Variants in PLAG1 observed in about 807,000 individuals in gnomAD.
PLAG1 encodes the protein PLAG1 zinc finger, also known as zinc finger protein PLAG1.
In PLAG1, 7 loss-of-function variants were observed where a neutral mutation model predicts 35.5. That is an observed-to-expected ratio of 0.20 (90% CI 0.11 to 0.37). PLAG1 has a LOEUF of 0.37. PLAG1 is among the 10% of genes least tolerant of loss of function. The pLI, the probability that PLAG1 is intolerant of heterozygous loss-of-function variation, is 1.00. For missense variants in PLAG1, 454 were observed against 602.8 expected, an observed-to-expected ratio of 0.75 and a Z score of 2.58; for synonymous variants, 229 against 225.4, an observed-to-expected ratio of 1.02 and a Z score of -0.14.
At chr8:56,175,888 C>T (rs1187808272) in intron 2 of PLAG1, among the ~76,000 whole-genome samples, 1 of 151,984 alleles carries the variant, frequency 6.6e-6, no homozygotes, top group Non-Finnish European at 1.5e-5. Flanking sequence ...TCTAGAGTAG[C>T]CAGAGAGAAT....
rs1290560990 is a variant in PLAG1 at position 56,166,961 on chromosome 8, A to T, written c.785T>A (p.Ile262Lys). The change falls in exon 5 of 5, where the codon ATA becomes AAA. Residue 262 changes from isoleucine (I) to lysine (K), a missense_variant. Ile to Lys is a moderately radical substitution (Grantham distance 102, BLOSUM62 -3). Around this residue, in one of 4 missense-constraint regions of PLAG1, gnomAD observed 271 missense variants for 315.6 expected, o/e 0.86. Coordinates refer to ENST00000316981, the MANE Select transcript of PLAG1 (RefSeq NM_002655.3). ...CATCACCGGAAGGAGCTCGTCTTTT[A>T]TAGGCACAGACACATTGCAGGTAAA... Reference protein sequence around the residue: ...DPFTCNVSVPIKDELLPVMSL... With the variant: ...DPFTCNVSVPKKDELLPVMSL... 1 of 1,614,100 alleles carries T rather than the reference A, an allele frequency of 6.2e-7. No homozygotes were observed. Among genetic ancestry groups the T allele is most frequent in the Non-Finnish European group, 8.5e-7 (1 of 1,179,972 alleles).
At chr8:56,170,595 T>G (rs905051914) in intron 3 of PLAG1, among the ~76,000 whole-genome samples, 1 of 152,254 alleles carries the variant, frequency 6.6e-6, no homozygotes, top group Admixed American at 6.5e-5. Context: ...TGCAAGTATC[T>G]AAATCCCTGT....
intron 3 of PLAG1, among the ~76,000 whole-genome samples, chr8:56,170,579 A>G (rs553636361): frequency 6.6e-6 from 1 of 152,360 alleles, no homozygotes; most frequent in East Asian, 1.9e-4. Context: ...CAGAATCTAC[A>G]TGGAATGCAA....
intron 1 of PLAG1, among the ~76,000 whole-genome samples, chr8:56,182,464 C>CTT (rs1811898875): frequency 6.6e-6 from 1 of 151,968 alleles, no homozygotes; most frequent in Non-Finnish European, 1.5e-5. Flanking sequence ...AGAGATAGAA[C>CTT]TTCAAGGAGA....
At chr8:56,207,665 C>T (rs558058808) in intron 1 of PLAG1, among the ~76,000 whole-genome samples, 1 of 151,900 alleles carries the variant, frequency 6.6e-6, no homozygotes, top group Non-Finnish European at 1.5e-5. Context: ...GAGGTTTCTC[C>T]GATTCCAACT....
chr8:56,187,316 T>TG (rs1171284482), intron 1 of PLAG1, among the ~76,000 whole-genome samples: 1 of 152,160 alleles, frequency 6.6e-6, no homozygotes, highest in East Asian at 1.9e-4. Flanking sequence ...AACTCTGACT[T>TG]GGAGAGGGCC....
intron 1 of PLAG1, among the ~76,000 whole-genome samples, chr8:56,182,761 G>A (rs1039990462): frequency 3.9e-5 from 6 of 152,196 alleles, no homozygotes; most frequent in African/African-American, 1.4e-4. Flanking sequence ...CAAGATCCCA[G>A]GGGGAGAGAC....
At chr8:56,186,982 T>C (rs1242724364) in intron 1 of PLAG1, among the ~76,000 whole-genome samples, 2 of 152,138 alleles carry the variant, frequency 1.3e-5, no homozygotes, top group African/African-American at 4.8e-5. Flanking sequence ...TCCCAAAGTG[T>C]TGGGATTACA....
rs562870977 is a variant in PLAG1 at position 56,188,752 on chromosome 8, A to G, written c.-321-9239T>C. 2.9e-4 allele frequency among the ~76,000 whole-genome samples: 44 copies of G among 152,354 alleles called. 2 individuals are homozygous for G. In the South Asian group the frequency reaches 8.7e-3, roughly 30 times the overall value. ...ATATCTTCAACTGTAAGAAGAACAC[A>G]GTCGATTCTTGATTAACTGGGTAAC... is the stretch of plus-strand genomic sequence containing the variant. On this transcript the variant is annotated intron_variant, in intron 1 of 4. Coordinates refer to ENST00000316981, the MANE Select transcript of PLAG1 (RefSeq NM_002655.3).
intron 2 of PLAG1, among the ~76,000 whole-genome samples, chr8:56,174,936 A>T (rs905599860): frequency 6.6e-6 from 1 of 152,210 alleles, no homozygotes; most frequent in African/African-American, 2.4e-5. Flanking sequence ...TGCAAATACT[A>T]TGCCATTTTA....
chr8:56,191,549 T>C (rs1261475709), intron 1 of PLAG1, among the ~76,000 whole-genome samples: 2 of 152,188 alleles, frequency 1.3e-5, no homozygotes, highest in Admixed American at 6.5e-5. Context: ...GGAGTTCTAA[T>C]ACTTTAGATT....
chr8:56,171,066 T>C (rs1441567647), intron 3 of PLAG1, 25 bp downstream of exon 3: 6 of 551,814 alleles, frequency 1.1e-5, no homozygotes, highest in South Asian at 1.6e-4. Flanking sequence ...CATAGAATTA[T>C]AGTGATTTTT....
chr8:56,207,429 CA>C (rs1812731478), intron 1 of PLAG1, among the ~76,000 whole-genome samples: 1 of 151,930 alleles, frequency 6.6e-6, no homozygotes, highest in Admixed American at 6.6e-5. Context: ...AAAACACAAA[CA>C]GCACCCTTCA....
intron 1 of PLAG1, among the ~76,000 whole-genome samples, chr8:56,203,444 A>G (rs943087241): frequency 2.0e-5 from 3 of 152,204 alleles, no homozygotes; most frequent in Non-Finnish European, 2.9e-5. Flanking sequence ...ATTATTGCTG[A>G]AAAAATGTCT....
At chr8:56,172,468 T>C (rs979222133) in intron 2 of PLAG1, among the ~76,000 whole-genome samples, 6 of 152,200 alleles carry the variant, frequency 3.9e-5, no homozygotes, top group Non-Finnish European at 7.4e-5. Flanking sequence ...AAATACTTAC[T>C]TGCCCAGGGC....
chr8:56,206,014 C>CT (rs1554539650), intron 1 of PLAG1, among the ~76,000 whole-genome samples: 7 of 151,780 alleles, frequency 4.6e-5, no homozygotes, highest in Non-Finnish European at 1.0e-4. Flanking sequence ...ATAACACTAC[C>CT]TTTTTAAAAA....
Position 56,171,076 on chromosome 8 carries a change from TAGTTCAA to T in PLAG1, c.-118+8_-118+14del. On this transcript the variant is annotated splice_region_variant and intron_variant, in intron 3 of 4. Transcript: ENST00000316981. Reference sequence around the variant, plus strand: ...GCATGCATAGAATTATAGTGATTTTTAGTTCAATGCATACCTGATTACTGATGGAAAA... The same window carrying T: ...GCATGCATAGAATTATAGTGATTTTTTGCATACCTGATTACTGATGGAAAA... 1 of 731,356 alleles carries T rather than the reference TAGTTCAA, an allele frequency of 1.4e-6. No individual in the cohort carries two copies. The highest frequency in any genetic ancestry group is 1.7e-6 in the Non-Finnish European group (1 of 597,476). 45.3% of individuals were successfully genotyped at this position (731,356 alleles called of 1,614,324 possible). A position where few individuals can be genotyped will look rare whatever the true frequency, so the allele number is the denominator to read the frequency against.
chr8:56,192,329 G>A (rs1352868159), intron 1 of PLAG1, among the ~76,000 whole-genome samples: 1 of 152,198 alleles, frequency 6.6e-6, no homozygotes, highest in Admixed American at 6.5e-5. Context: ...ATTCATGCAT[G>A]AGGTCATTCA....
chr8:56,167,978 C>T lies in PLAG1; in HGVS notation c.242+50G>A. On this transcript the variant is annotated intron_variant, in intron 4 of 4. Transcript: ENST00000316981. This position sits in a 1 kb window ranked among gnomAD's most constrained non-coding sequence, Gnocchi z 5.9. The stretch of plus-strand genomic sequence containing the variant: ...TACATACGTTTACAATGGCTTCAAA[C>T]AGCCAACATAAGAGAAAATATAATC... The T allele has an allele frequency of 3.9e-6, 4 of 1,038,662 alleles. No homozygotes were observed. The highest frequency in any genetic ancestry group is 5.7e-6 in the Non-Finnish European group (4 of 699,952). The allele number at this position is 1,038,662 out of a possible 1,614,324, so 64.3% of individuals were successfully genotyped here. A position where few individuals can be genotyped will look rare whatever the true frequency, so the allele number is the denominator to read the frequency against.
Sources: gnomAD v4.1 joint callset for allele counts (sites outside exome capture counted in the v4.1 genomes callset) on GRCh38, gnomAD v4.1.1 for gene constraint, gnomAD v4.1.1 regional missense constraint, Gnocchi (gnomAD v3.1) non-coding constraint, MANE v1.5 for transcripts, NCBI Gene and HGNC (gene_info 2026-07-23, HGNC 2026-07-21) for gene names.